MAGI2: variants seen among roughly 807,000 people sequenced by gnomAD.
MAGI2 encodes membrane associated guanylate kinase, WW and PDZ domain containing 2, also known as membrane-associated guanylate kinase, WW and PDZ domain-containing protein 2.
Under a neutral mutation model 133.3 loss-of-function variants are expected in MAGI2, and 35 were observed. That is an observed-to-expected ratio of 0.26 (90% confidence interval 0.20 to 0.35). MAGI2 has a LOEUF of 0.35. Among genes scored for constraint, MAGI2 ranks in the 10% least tolerant of loss-of-function variants. MAGI2 has a pLI of 1.00. For synonymous variants in MAGI2, 729 were observed against 710.6 expected (o/e 1.03, Z -0.41); for missense variants, 1,636 against 1,863.4 (o/e 0.88, Z 2.25).
intron 21 of MAGI2, among the ~76,000 whole-genome samples, chr7:78,059,532 G>A (rs970667958): frequency 3.4e-4 from 52 of 152,178 alleles, no homozygotes; most frequent in Admixed American, 5.9e-4. Flanking sequence ...TCCTACATTC[G>A]TTTCAAGTTG....
intron 7 of MAGI2, among the ~76,000 whole-genome samples, chr7:78,364,895 G>A (rs1005941685): frequency 5.9e-5 from 9 of 152,298 alleles, no homozygotes; most frequent in Middle Eastern, 3.4e-3. Flanking sequence ...TTCTTAATAC[G>A]TAGTGCTAAG....
intron 3 of MAGI2, among the ~76,000 whole-genome samples, chr7:78,591,615 A>G (rs549390525): frequency 6.6e-6 from 1 of 152,312 alleles, no homozygotes; most frequent in African/African-American, 2.4e-5. Flanking sequence ...CAGAATTAGG[A>G]AGGTAGTCTC....
intron 1 of MAGI2, among the ~76,000 whole-genome samples, chr7:79,242,073 G>A (rs1171180075): frequency 6.6e-6 from 1 of 152,096 alleles, no homozygotes; most frequent in African/African-American, 2.4e-5. Flanking sequence ...CTCTTTATTT[G>A]CTAAATTTCA....
chr7:78,073,818 C>G (rs1814983848), intron 21 of MAGI2, among the ~76,000 whole-genome samples: 1 of 152,130 alleles, frequency 6.6e-6, no homozygotes, highest in African/African-American at 2.4e-5. Context: ...TTCTCTTAAC[C>G]TTTGTGGATT....
At chr7:78,790,856 T>C (rs1827190319) in intron 2 of MAGI2, among the ~76,000 whole-genome samples, 1 of 152,198 alleles carries the variant, frequency 6.6e-6, no homozygotes, top group South Asian at 2.1e-4. Context: ...GTAAAAATTA[T>C]GATGCATACT....
intron 16 of MAGI2, among the ~76,000 whole-genome samples, chr7:78,140,054 T>A (rs563846614): frequency 3.4e-4 from 51 of 152,120 alleles, no homozygotes; most frequent in Non-Finnish European, 6.6e-4. Flanking sequence ...AAAGCAGGGA[T>A]CCTCCCTTTT....
chr7:78,669,263 C>G (rs1169458914), intron 2 of MAGI2, among the ~76,000 whole-genome samples: 1 of 151,988 alleles, frequency 6.6e-6, no homozygotes, highest in Non-Finnish European at 1.5e-5. Flanking sequence ...CACAGAAATA[C>G]AAACTACCAT....
chr7:78,298,454 GTTGGGTATATGGGAGCT>G (rs1217748536), intron 9 of MAGI2, among the ~76,000 whole-genome samples: 1 of 152,188 alleles, frequency 6.6e-6, no homozygotes, highest in Non-Finnish European at 1.5e-5. Context: ...GAAATTGGGT[GTTGGGTATATGGGAGCT>G]CTCTGTACTG....
At position 79,330,490 on chromosome 7, in the gene MAGI2, C is replaced by T. The variant is rs1052043863; in HGVS notation, c.301+122530G>A. Among the ~76,000 whole-genome samples, 3 of 151,922 alleles carry T rather than the reference C, an allele frequency of 2.0e-5. No individual in the cohort carries two copies. In the South Asian group the frequency reaches 6.2e-4, roughly 32 times the overall value. The stretch of plus-strand genomic sequence containing the variant: ...GATTACAGGCATGAGCCACTGCGCC[C>T]GGCCCAAATAATCTGCATCTTATTC... On this transcript the variant is annotated intron_variant, in intron 1 of 21. Transcript: ENST00000354212.
At chr7:78,611,675 T>C (rs1461308374) in intron 3 of MAGI2, among the ~76,000 whole-genome samples, 1 of 152,206 alleles carries the variant, frequency 6.6e-6, no homozygotes, top group Non-Finnish European at 1.5e-5. Flanking sequence ...TAAAACTTCC[T>C]ACAACACACA....
chr7:78,909,535 G>A (rs1340284562), intron 2 of MAGI2, among the ~76,000 whole-genome samples: 21 of 149,628 alleles, frequency 1.4e-4, no homozygotes, highest in African/African-American at 2.5e-4. Context: ...CCCAGGAGGC[G>A]GAGCTTGCAG....
intron 2 of MAGI2, among the ~76,000 whole-genome samples, chr7:78,683,900 T>A (rs539352620): frequency 1.3e-5 from 2 of 152,324 alleles, no homozygotes; most frequent in Admixed American, 6.5e-5. Flanking sequence ...TTTGCCTGGC[T>A]CTTGTTTTGA....
At chr7:79,396,249 G>A (rs1441376572) in intron 1 of MAGI2, among the ~76,000 whole-genome samples, 3 of 152,028 alleles carry the variant, frequency 2.0e-5, no homozygotes, top group Non-Finnish European at 1.5e-5. Flanking sequence ...GCTATGCTCT[G>A]ACGGCATGCC....
At chr7:78,510,171 C>T (rs969299416) in intron 4 of MAGI2, among the ~76,000 whole-genome samples, 10 of 152,062 alleles carry the variant, frequency 6.6e-5, no homozygotes, top group Non-Finnish European at 1.0e-4. Flanking sequence ...TAAAAATTCC[C>T]CGATAACAAC....
At chr7:79,252,156 C>CAAAAAAAAAAAAAAA (rs1208897198) in intron 1 of MAGI2, among the ~76,000 whole-genome samples, 4 of 102,596 alleles carry the variant, frequency 3.9e-5, no homozygotes, top group Non-Finnish European at 3.5e-5. Context: ...GACCCTGTCT[C>CAAAAAAAAAAAAAAA]AAAAAAAAAA....
intron 9 of MAGI2, among the ~76,000 whole-genome samples, chr7:78,330,877 G>A (rs923819966): frequency 2.5e-4 from 38 of 152,238 alleles, no homozygotes; most frequent in Admixed American, 6.5e-4. Flanking sequence ...GTTTCCTGAT[G>A]AACCAAAGGC....
At chr7:78,111,942 G>T (rs1343903574) in intron 20 of MAGI2, among the ~76,000 whole-genome samples, 1 of 152,074 alleles carries the variant, frequency 6.6e-6, no homozygotes, top group East Asian at 1.9e-4. Context: ...TGCAATGCAG[G>T]GCCCTCGAAA....
At chr7:79,097,480 CCA>C (rs1171534310) in intron 1 of MAGI2, among the ~76,000 whole-genome samples, 1 of 152,148 alleles carries the variant, frequency 6.6e-6, no homozygotes, top group African/African-American at 2.4e-5. Flanking sequence ...TCACATAAAT[CCA>C]CAGAGTTAGG....
intron 1 of MAGI2, chr7:79,354,273 A>G (rs1004266457): frequency 2.0e-5 from 3 of 152,312 alleles, no homozygotes; most frequent in Non-Finnish European, 4.4e-5. Context: ...TCTGGCTCCA[A>G]GTTATCTCCA....
Sources: allele counts gnomAD v4.1 joint callset (sites outside exome capture counted in the v4.1 genomes callset), GRCh38; gene constraint gnomAD v4.1.1; transcripts MANE v1.5; gene names NCBI Gene and HGNC (gene_info 2026-07-23, HGNC 2026-07-21).